Variants in ASH1L observed in about 807,000 individuals in gnomAD.
ASH1L encodes the protein ASH1 like histone lysine methyltransferase.
In ASH1L, 23 loss-of-function variants were observed where a neutral mutation model predicts 269.0. That is an observed-to-expected ratio of 0.09 (90% confidence interval 0.06 to 0.12). The LOEUF is 0.12. ASH1L is among the 10% of genes least tolerant of loss of function. The pLI is 1.00. For synonymous variants in ASH1L, 1,187 were observed against 1,253.5 expected, an observed-to-expected ratio of 0.95 and a Z score of 1.12; for missense variants, 2,912 against 3,567.8, an observed-to-expected ratio of 0.82 and a Z score of 4.68.
Position 155,481,174 on chromosome 1 carries a change from G to A in ASH1L, c.1696C>T (p.Pro566Ser). 1.2e-6 allele frequency: 2 copies of A among 1,613,912 alleles called. No homozygotes were observed. Among genetic ancestry groups the A allele is most frequent in the Non-Finnish European group, 1.7e-6 (2 of 1,179,872 alleles). Residue 566 changes from proline to serine, a missense_variant, in exon 3 of 28, where the codon CCT becomes TCT. Around this residue, in one of 13 missense-constraint regions of ASH1L, gnomAD observed 715 missense variants for 721.0 expected, o/e 0.99. Transcript: ENST00000392403. Reference protein sequence around the residue: ...PSPSPTVSVNPLTRSPPETSS... With the variant: ...PSPSPTVSVNSLTRSPPETSS... The stretch of plus-strand genomic sequence containing the variant: ...GTTTCAGGGGGACTTCTGGTTAAAG[G>A]ATTAACAGATACAGTAGGTGATGGG...
At chr1:155,545,206 A>AAAAAG (rs1670719806) in intron 1 of ASH1L, among the ~76,000 whole-genome samples, 1 of 149,372 alleles carries the variant, frequency 6.7e-6, no homozygotes, top group Admixed American at 6.7e-5. Context: ...AAAAAAAAAA[A>AAAAAG]AGCTATGTTT....
intron 5 of ASH1L, among the ~76,000 whole-genome samples, chr1:155,432,477 T>C (rs1410349120): frequency 6.6e-6 from 1 of 152,138 alleles, no homozygotes; most frequent in African/African-American, 2.4e-5. Context: ...CAAATACTAA[T>C]TGAAAAAATA....
At chr1:155,340,393 G>C (rs910854039) in intron 25 of ASH1L, among the ~76,000 whole-genome samples, 2 of 152,012 alleles carry the variant, frequency 1.3e-5, no homozygotes, top group African/African-American at 4.8e-5. Context: ...ATGTCGACCA[G>C]GCTGGTCTCA....
In ASH1L at chr1:155,343,124, G is replaced by A; in HGVS notation, c.8293+190C>T. ...CCTCCCAGGCTCAGCAATCCTCCCA[G>A]TAGTTGGGACTACAGGCCTACACTG... On this transcript the variant is annotated intron_variant, in intron 24 of 27. Transcript: ENST00000392403. This position sits in a 1 kb window ranked among gnomAD's most constrained non-coding sequence, Gnocchi z 6.1. The A allele has an allele frequency of 1.8e-6, 1 of 556,376 alleles. No homozygotes were observed. The highest frequency in any genetic ancestry group is 3.5e-5 in the Admixed American group (1 of 28,596). 34.5% of individuals were successfully genotyped at this position (556,376 alleles called of 1,614,324 possible). A position where few individuals can be genotyped will look rare whatever the true frequency, so the allele number is the denominator to read the frequency against.
intron 17 of ASH1L, 110 bp from the exon 18 acceptor site, chr1:155,349,706 AG>A: frequency 1.4e-6 from 1 of 708,572 alleles, no homozygotes; most frequent in Non-Finnish European, 2.2e-6. Context: ...GAAAAATCCA[AG>A]TCTTTTTTTT....
At chr1:155,492,846 ACAAGG>A (rs1227714422) in intron 2 of ASH1L, among the ~76,000 whole-genome samples, 1 of 151,864 alleles carries the variant, frequency 6.6e-6, no homozygotes, top group Non-Finnish European at 1.5e-5. Flanking sequence ...TTTGTTTGAG[ACAAGG>A]CCCGGTTCTG....
intron 25 of ASH1L, 52 bp from the exon 26 acceptor site, chr1:155,339,420 A>G (rs1207780826): frequency 6.3e-7 from 1 of 1,574,866 alleles, no homozygotes; most frequent in Non-Finnish European, 8.7e-7. Flanking sequence ...TGGGAGAGCT[A>G]GCTCTTCTCT....
At chr1:155,548,945 G>A (rs776782325) in intron 1 of ASH1L, among the ~76,000 whole-genome samples, 8 of 152,114 alleles carry the variant, frequency 5.3e-5, no homozygotes, top group Non-Finnish European at 1.2e-4. Context: ...TTTCACATAC[G>A]AGGATTCAAC....
At chr1:155,413,747 T>C (rs1224739661) in intron 6 of ASH1L, among the ~76,000 whole-genome samples, 1 of 152,134 alleles carries the variant, frequency 6.6e-6, no homozygotes, top group Non-Finnish European at 1.5e-5. Context: ...GCATAATTAG[T>C]GCTGAGATAG....
At chr1:155,398,944 G>A (rs1658596678) in intron 6 of ASH1L, among the ~76,000 whole-genome samples, 1 of 151,996 alleles carries the variant, frequency 6.6e-6, no homozygotes, top group Admixed American at 6.6e-5. Flanking sequence ...TGTTGCCCAG[G>A]CTGGTCTTCA....
intron 3 of ASH1L, among the ~76,000 whole-genome samples, chr1:155,467,612 CA>C (rs2148693130): frequency 6.6e-6 from 1 of 152,184 alleles, no homozygotes; most frequent in African/African-American, 2.4e-5. Flanking sequence ...ATTTTTGAAA[CA>C]AGGAGAGAAG....
intron 12 of ASH1L, among the ~76,000 whole-genome samples, chr1:155,366,232 A>G (rs1007189315): frequency 3.3e-5 from 5 of 151,964 alleles, no homozygotes; most frequent in African/African-American, 1.2e-4. Context: ...TCACTACTAC[A>G]CTCCCATCAG....
rs1309774111 is a variant in ASH1L at position 155,336,229 on chromosome 1, T to C, written c.*1431A>G. ...GTGTCTACCTAAACGAGTCAGAGCA[T>C]CGTCACCATAAGGGGAAATGTACAA... On this transcript the variant is annotated 3_prime_UTR_variant, in exon 28 of 28. Coordinates refer to ENST00000392403, the MANE Select transcript of ASH1L (RefSeq NM_018489.3). 1.3e-5 allele frequency: 2 copies of C among 152,526 alleles called. No individual in the cohort carries two copies. Among genetic ancestry groups the C allele is most frequent in the African/African-American group, 4.8e-5 (2 of 41,368 alleles). 9.4% of individuals were successfully genotyped at this position (152,526 alleles called of 1,614,324 possible).
chr1:155,529,630 G>A (rs546007634), intron 1 of ASH1L, among the ~76,000 whole-genome samples: 2 of 151,970 alleles, frequency 1.3e-5, no homozygotes, highest in South Asian at 4.2e-4. Context: ...CTTCTAACTG[G>A]TTCCTTGCTT....
chr1:155,519,955 G>A (rs1439512295), intron 2 of ASH1L, among the ~76,000 whole-genome samples: 5 of 151,934 alleles, frequency 3.3e-5, no homozygotes, highest in Non-Finnish European at 7.4e-5. Flanking sequence ...TACCACGCCC[G>A]GCAAGTACAT....
At chr1:155,433,580 CAGG>C in intron 5 of ASH1L, 1 of 1,610,780 alleles carries the variant, frequency 6.2e-7, no homozygotes, top group Non-Finnish European at 8.5e-7. Context: ...GCAAAACCCG[CAGG>C]AGTCCCAGAA....
At chr1:155,391,161 G>A (rs1164956595) in intron 7 of ASH1L, among the ~76,000 whole-genome samples, 1 of 151,982 alleles carries the variant, frequency 6.6e-6, no homozygotes, top group Non-Finnish European at 1.5e-5. Flanking sequence ...GGCCAGGCTG[G>A]TCTCGAACTC....
At chr1:155,381,922 C>G (rs1656997069) in intron 7 of ASH1L, among the ~76,000 whole-genome samples, 1 of 151,612 alleles carries the variant, frequency 6.6e-6, no homozygotes, top group African/African-American at 2.4e-5. Context: ...AAAAAAACAG[C>G]CTTGCCAGGA....
chr1:155,349,448 T>G lies in ASH1L; in HGVS notation c.7433A>C (p.Tyr2478Ser). 1 of 1,614,170 alleles carries G rather than the reference T, an allele frequency of 6.2e-7. No homozygotes were observed. Among genetic ancestry groups the G allele is most frequent in the Non-Finnish European group, 8.5e-7 (1 of 1,180,020 alleles). Residue 2478 changes from tyrosine to serine, a missense_variant, in exon 19 of 28, where the codon TAT (tyrosine) becomes TCT (serine). By Grantham distance (144) the Tyr-to-Ser change is moderately radical (BLOSUM62 -2). Transcript: ENST00000392403. ...NLPPKKKNAD[Y>S]YEKISDPLDL... Reference sequence around the variant, plus strand: ...TAGGGGATCAGAGATCTTCTCATAATAATCAGCATTCCTGGAACACAAAGC... The same window carrying G: ...TAGGGGATCAGAGATCTTCTCATAAGAATCAGCATTCCTGGAACACAAAGC...
Sources: gnomAD v4.1 joint callset for allele counts (sites outside exome capture counted in the v4.1 genomes callset) on GRCh38, gnomAD v4.1.1 for gene constraint, gnomAD v4.1.1 regional missense constraint, Gnocchi (gnomAD v3.1) non-coding constraint, MANE v1.5 for transcripts, NCBI Gene and HGNC (gene_info 2026-07-23, HGNC 2026-07-21) for gene names.